Variants in ISM2 observed in about 807,000 individuals in gnomAD.
ISM2 encodes the protein isthmin 2.
Under a neutral mutation model 58.0 loss-of-function variants are expected in ISM2, and 50 were observed. The observed-to-expected ratio is 0.86, with a 90% confidence interval of 0.69 to 1.09. The LOEUF (loss-of-function observed/expected upper bound fraction) is 1.09. Ranked by LOEUF, ISM2 falls within the 50% of genes least tolerant of loss-of-function variation. The probability of loss-of-function intolerance (pLI) is 0.00; values close to 1 mark genes in which losing one functional copy is unlikely to be tolerated. For missense variants in ISM2, 723 were observed against 745.0 expected (o/e 0.97, Z 0.34); for synonymous variants, 303 against 312.4 (o/e 0.97, Z 0.32).
In ISM2 at chr14:77,484,874, C is replaced by A; in HGVS notation, c.187G>T (p.Ala63Ser). The change falls in exon 2 of 7, where the codon GCA becomes TCA. Residue 63 changes from alanine to serine, a missense_variant. By Grantham distance (99) the Ala-to-Ser change is moderately conservative. Transcript: ENST00000342219. ...DPRPLKEEEEAPLLPRTHLQA... is the reference protein window; with the variant it reads ...DPRPLKEEEESPLLPRTHLQA... ...AGGTGGGTTCTGGGGAGCAGTGGTG[C>A]CTCCTCCTCTTCCTTCAGAGGCCTA... 1 of 1,585,402 alleles carries A rather than the reference C, an allele frequency of 6.3e-7. No individual in the cohort carries two copies. The highest frequency in any genetic ancestry group is 8.6e-7 in the Non-Finnish European group (1 of 1,166,220).
intron 6 of ISM2, among the ~76,000 whole-genome samples, chr14:77,477,054 C>T (rs1455105740): frequency 6.6e-6 from 1 of 152,128 alleles, no homozygotes; most frequent in African/African-American, 2.4e-5. Context: ...TCACCCGGTC[C>T]CCATGGCACA....
intron 1 of ISM2, among the ~76,000 whole-genome samples, chr14:77,490,030 A>T (rs1394815645): frequency 6.6e-6 from 1 of 152,110 alleles, no homozygotes; most frequent in African/African-American, 2.4e-5. Context: ...TGCCCAGCTA[A>T]TTTTTTGTAT....
At chr14:77,489,477 T>G (rs148331212) in intron 1 of ISM2, among the ~76,000 whole-genome samples, 21 of 152,312 alleles carry the variant, frequency 1.4e-4, no homozygotes, top group Middle Eastern at 3.4e-3. Flanking sequence ...TAGTCAGGCC[T>G]CTTTAGCCAC....
intron 4 of ISM2, among the ~76,000 whole-genome samples, chr14:77,480,825 T>C (rs1004360637): frequency 2.6e-5 from 4 of 151,642 alleles, no homozygotes; most frequent in Non-Finnish European, 5.9e-5. Context: ...CCCAAAGTGC[T>C]GGGATTACAA....
intron 3 of ISM2, among the ~76,000 whole-genome samples, chr14:77,483,635 C>T (rs182196255): frequency 6.7e-6 from 1 of 149,736 alleles, no homozygotes; most frequent in Non-Finnish European, 1.5e-5. Flanking sequence ...TGTGCGTGTG[C>T]GTGTGTGCGT....
intron 1 of ISM2, among the ~76,000 whole-genome samples, chr14:77,495,676 G>A (rs892723352): frequency 1.3e-5 from 2 of 152,100 alleles, no homozygotes; most frequent in African/African-American, 4.8e-5. Context: ...GGCGCCTAGT[G>A]GGTAGAGGCC....
rs1479678861 is a variant in ISM2 at position 77,482,352 on chromosome 14, C to T, written c.943G>A (p.Asp315Asn). ...CTGACAGAATCCTTGAAGACCCAAT[C>T]CCCGGGGGCCAGCCAGCCCTGGTCC... is the stretch of plus-strand genomic sequence containing the variant. Reference protein sequence around the residue: ...NWDQGWLAPGDWVFKDSVSYD... With the variant: ...NWDQGWLAPGNWVFKDSVSYD... The change falls in exon 4 of 7, where the codon GAT (aspartate) becomes AAT (asparagine). Residue 315 changes from aspartate (D) to asparagine (N), a missense_variant. Coordinates refer to ENST00000342219, the MANE Select transcript of ISM2 (RefSeq NM_199296.3). 1.2e-6 allele frequency: 2 copies of T among 1,613,602 alleles called. No individual in the cohort carries two copies. The highest frequency in any genetic ancestry group is 1.7e-5 in the Admixed American group (1 of 59,970).
At chr14:77,491,738 C>T (rs2079206409) in intron 1 of ISM2, among the ~76,000 whole-genome samples, 1 of 145,268 alleles carries the variant, frequency 6.9e-6, no homozygotes, top group Admixed American at 7.0e-5. Context: ...ACTCTGTCAC[C>T]CAGGCTGGGG....
intron 1 of ISM2, among the ~76,000 whole-genome samples, chr14:77,496,632 A>G (rs990660761): frequency 6.7e-6 from 1 of 148,350 alleles, no homozygotes; most frequent in African/African-American, 2.5e-5. Flanking sequence ...CCCTGTCTTG[A>G]CTAAAAATAC....
Position 77,475,892 on chromosome 14 carries a change from G to A in ISM2, c.1419C>T (p.Arg473=), listed in dbSNP as rs2079094875. The A allele has an allele frequency of 6.2e-7, 1 of 1,603,786 alleles. No homozygotes were observed. Among genetic ancestry groups the A allele is most frequent in the African/African-American group, 1.3e-5 (1 of 74,936 alleles). Residue 473 remains arginine, a synonymous_variant, in exon 7 of 7, where the codon CGC becomes CGT. Transcript: ENST00000342219. This position sits in a 1 kb window ranked among gnomAD's most constrained non-coding sequence, Gnocchi z 4.1. ...ERLDIYQPTA[R]FCLRSMLSGE... ...CAGACAGCATGGAACGCAGGCAGAA[G>A]CGCGCCGTGGGCTGGTAGATGTCCA...
intron 4 of ISM2, among the ~76,000 whole-genome samples, chr14:77,480,205 G>C (rs1245366849): frequency 6.6e-6 from 1 of 151,758 alleles, no homozygotes; most frequent in Non-Finnish European, 1.5e-5. Context: ...AGGATCATCT[G>C]AGCCAGGGAG....
intron 1 of ISM2, among the ~76,000 whole-genome samples, chr14:77,488,345 G>T (rs1045939804): frequency 3.3e-5 from 5 of 152,326 alleles, no homozygotes; most frequent in Non-Finnish European, 7.3e-5. Flanking sequence ...TACAATAAGA[G>T]AACTGGGATT....
At chr14:77,496,689 G>A (rs1317094358) in intron 1 of ISM2, among the ~76,000 whole-genome samples, 2 of 150,172 alleles carry the variant, frequency 1.3e-5, no homozygotes, top group African/African-American at 4.9e-5. Flanking sequence ...CCCAGCTACT[G>A]GGGAGGCTAA....
chr14:77,498,517 C>T (rs1298446742), intron 1 of ISM2, 136 bp downstream of exon 1: 2 of 1,303,198 alleles, frequency 1.5e-6, no homozygotes, highest in Non-Finnish European at 2.1e-6. Context: ...AGCTTCCGGC[C>T]GGCCCCGGCC....
intron 3 of ISM2, 92 bp from the exon 4 acceptor site, chr14:77,482,759 G>C: frequency 1.3e-6 from 1 of 784,482 alleles, no homozygotes; most frequent in Non-Finnish European, 2.0e-6. Flanking sequence ...TCAGAGGTGA[G>C]AGGCCCAACC....
chr14:77,488,884 A>C (rs1323669689), intron 1 of ISM2, among the ~76,000 whole-genome samples: 1 of 152,096 alleles, frequency 6.6e-6, no homozygotes, highest in Non-Finnish European at 1.5e-5. Context: ...GTTGTTGAAG[A>C]ACTCCAGTCC....
chr14:77,489,032 T>TTC (rs148400275), intron 1 of ISM2, among the ~76,000 whole-genome samples: 1 of 151,670 alleles, frequency 6.6e-6, no homozygotes, highest in Non-Finnish European at 1.5e-5. Context: ...TCTTTACCAG[T>TTC]TCTCTCTCTC....
rs1486248201 is a variant in ISM2 at position 77,477,232 on chromosome 14, C to A, written c.1198+1010G>T. Among the ~76,000 whole-genome samples, 6 of 152,184 alleles carry A rather than the reference C, an allele frequency of 3.9e-5. No individual in the cohort carries two copies. The South Asian group carries it at 8.3e-4, about 21-fold the overall frequency. The stretch of plus-strand genomic sequence containing the variant: ...CCACGTGGGAATGTGCAGAACCTTG[C>A]TCCTCACTCCCCAGAATCTGCCTGA... On this transcript the variant is annotated intron_variant, in intron 6 of 6. Coordinates refer to ENST00000342219, the MANE Select transcript of ISM2 (RefSeq NM_199296.3).
At chr14:77,496,452 C>A (rs1352620977) in intron 1 of ISM2, among the ~76,000 whole-genome samples, 1 of 150,600 alleles carries the variant, frequency 6.6e-6, no homozygotes, top group Non-Finnish European at 1.5e-5. Context: ...CACGCCATTG[C>A]ACTCCAGTCT....
Sources: allele counts gnomAD v4.1 joint callset (sites outside exome capture counted in the v4.1 genomes callset), GRCh38; gene constraint gnomAD v4.1.1; non-coding constraint Gnocchi (gnomAD v3.1); transcripts MANE v1.5; gene names NCBI Gene and HGNC (gene_info 2026-07-23, HGNC 2026-07-21).